ZNF804A: variants seen among roughly 807,000 people sequenced by gnomAD.
The protein encoded by ZNF804A is zinc finger protein 804A.
A neutral mutation model predicts 16.5 loss-of-function variants in ZNF804A; 2 were observed. The observed-to-expected ratio is 0.12, with a 90% CI of 0.05 to 0.38. The LOEUF is 0.38. ZNF804A is among the 10% of genes least tolerant of loss of function. The pLI is 0.99. For synonymous variants in ZNF804A, 534 were observed against 489.6 expected, an observed-to-expected ratio of 1.09 and a Z score of -1.20; for missense variants, 1,473 against 1,390.7, an observed-to-expected ratio of 1.06 and a Z score of -0.94.
intron 1 of ZNF804A, among the ~76,000 whole-genome samples, chr2:184,614,871 A>G (rs1261400379): frequency 6.6e-6 from 1 of 152,196 alleles, no homozygotes; most frequent in Non-Finnish European, 1.5e-5. Context: ...GCAATCATTA[A>G]AAAGTCAGGA....
intron 1 of ZNF804A, among the ~76,000 whole-genome samples, chr2:184,737,741 C>T (rs114973653): frequency 6.6e-5 from 10 of 152,064 alleles, no homozygotes; most frequent in Non-Finnish European, 1.5e-4. Flanking sequence ...TATGAATAAA[C>T]TCTTCGACTT....
chr2:184,794,030 A>C (rs937329511), intron 1 of ZNF804A, among the ~76,000 whole-genome samples: 53 of 152,220 alleles, frequency 3.5e-4, no homozygotes, highest in African/African-American at 1.3e-3. Context: ...TGCTATAAAC[A>C]TGTGTGTGCA....
At chr2:184,919,269 C>G (rs889410958) in intron 2 of ZNF804A, among the ~76,000 whole-genome samples, 18 of 152,166 alleles carry the variant, frequency 1.2e-4, no homozygotes, top group African/African-American at 3.9e-4. Context: ...ATGTACTCAA[C>G]CTGCCACCAG....
intron 2 of ZNF804A, among the ~76,000 whole-genome samples, chr2:184,920,589 A>T (rs1685515294): frequency 6.6e-6 from 1 of 152,176 alleles, no homozygotes; most frequent in African/African-American, 2.4e-5. Flanking sequence ...AACTGACAAA[A>T]CACGAAAAAT....
intron 1 of ZNF804A, among the ~76,000 whole-genome samples, chr2:184,766,386 A>T (rs1694127308): frequency 2.0e-5 from 3 of 152,122 alleles, no homozygotes; most frequent in Admixed American, 2.0e-4. Flanking sequence ...CTAAGCACAG[A>T]TAAACAATCA....
At chr2:184,742,312 G>GA (rs1442575279) in intron 1 of ZNF804A, among the ~76,000 whole-genome samples, 3 of 151,548 alleles carry the variant, frequency 2.0e-5, no homozygotes, top group African/African-American at 7.3e-5. Flanking sequence ...CCATAATTTT[G>GA]AAAAAAATTA....
chr2:184,815,976 A>G (rs1164358561), intron 1 of ZNF804A, among the ~76,000 whole-genome samples: 1 of 152,028 alleles, frequency 6.6e-6, no homozygotes, highest in African/African-American at 2.4e-5. Flanking sequence ...TTAAATCTCT[A>G]AAATGTCATT....
chr2:184,836,977 A>G (rs139352388), intron 1 of ZNF804A, among the ~76,000 whole-genome samples: 1 of 151,996 alleles, frequency 6.6e-6, no homozygotes, highest in African/African-American at 2.4e-5. Context: ...GACTATGTAC[A>G]TGGTGTGTCT....
At position 184,937,745 on chromosome 2, in the gene ZNF804A, A is replaced by C. The variant is rs140191136; in HGVS notation, c.2349A>C (p.Glu783Asp). The change falls in exon 4 of 4, where the codon GAA becomes GAC. Residue 783 changes from glutamate (E) to aspartate (D), a missense_variant. Transcript: ENST00000302277. ...RQHSHSYSSD[E>D]SLNRQNHLPE... ...ATTCACATTCTTATTCTTCAGATGAAAGTTTAAATCGACAGAATCATTTAC... is the reference window on the plus strand; with the variant it reads ...ATTCACATTCTTATTCTTCAGATGACAGTTTAAATCGACAGAATCATTTAC... 90 of 1,613,926 alleles carry C rather than the reference A, an allele frequency of 5.6e-5. No individual in the cohort carries two copies. Among genetic ancestry groups the C allele is most frequent in the Middle Eastern group, 1.6e-4 (1 of 6,082 alleles).
At position 184,938,430 on chromosome 2, in the gene ZNF804A, G is replaced by C. The variant is rs1487864350; in HGVS notation, c.3034G>C (p.Val1012Leu). ...ACCATTACCATTCAAAGAAGCACAT[G>C]TCAGTGGTCATACTTTTGTAACAGC... ...QPPLPFKEAH[V>L]SGHTFVTAEQ... is the part of the protein sequence containing the mutation. Residue 1012 changes from valine (V) to leucine (L), a missense_variant, in exon 4 of 4, where the codon GTC becomes CTC. Transcript: ENST00000302277. 5.0e-6 allele frequency: 8 copies of C among 1,614,078 alleles called. No individual in the cohort carries two copies. The South Asian group carries it at 8.8e-5, about 18-fold the overall frequency.
intron 1 of ZNF804A, among the ~76,000 whole-genome samples, 158 bp from the exon 2 acceptor site, chr2:184,866,211 T>C (rs1333937980): frequency 3.9e-5 from 6 of 152,224 alleles, no homozygotes; most frequent in Admixed American, 2.0e-4. Context: ...TTTTAAGTTA[T>C]AATTTATTCT....
At chr2:184,736,650 C>T (rs1412623486) in intron 1 of ZNF804A, among the ~76,000 whole-genome samples, 9 of 151,838 alleles carry the variant, frequency 5.9e-5, no homozygotes, top group Non-Finnish European at 8.8e-5. Flanking sequence ...CCACGGCACA[C>T]GTATACCTAT....
intron 2 of ZNF804A, among the ~76,000 whole-genome samples, chr2:184,879,527 G>A (rs1684773069): frequency 6.6e-6 from 1 of 151,936 alleles, no homozygotes. Context: ...TGTGTTTACA[G>A]AAAAAGTCTT....
chr2:184,652,354 G>C (rs1046819216), intron 1 of ZNF804A, among the ~76,000 whole-genome samples: 1 of 152,038 alleles, frequency 6.6e-6, no homozygotes, highest in African/African-American at 2.4e-5. Flanking sequence ...GTACCTGCAT[G>C]GTGGTATCAT....
chr2:184,916,514 A>C (rs1277998761), intron 2 of ZNF804A, among the ~76,000 whole-genome samples: 1 of 152,196 alleles, frequency 6.6e-6, no homozygotes, highest in Non-Finnish European at 1.5e-5. Context: ...ATCTATGATA[A>C]GATTACATTC....
chr2:184,920,890 A>T (rs936059139), intron 2 of ZNF804A, among the ~76,000 whole-genome samples: 1 of 152,194 alleles, frequency 6.6e-6, no homozygotes, highest in Non-Finnish European at 1.5e-5. Flanking sequence ...TCCCGATGAA[A>T]ATACACCTTA....
At chr2:184,882,458 C>A (rs372429320) in intron 2 of ZNF804A, among the ~76,000 whole-genome samples, 2 of 151,884 alleles carry the variant, frequency 1.3e-5, no homozygotes, top group East Asian at 3.9e-4. Flanking sequence ...CCAAATGGAC[C>A]CAACAGATAT....
intron 1 of ZNF804A, among the ~76,000 whole-genome samples, chr2:184,821,311 G>A (rs1695077806): frequency 6.6e-6 from 1 of 152,036 alleles, no homozygotes; most frequent in Admixed American, 6.6e-5. Context: ...CAAGCAATGG[G>A]GAAATGATTT....
intron 1 of ZNF804A, among the ~76,000 whole-genome samples, chr2:184,657,429 A>C (rs6738793): frequency 0.12 from 19,001 of 152,090 alleles, 1,275 homozygotes; most frequent in Middle Eastern, 0.23. Flanking sequence ...TTTAATTGTC[A>C]ATGTTTCAGG....
Sources: allele counts gnomAD v4.1 joint callset (sites outside exome capture counted in the v4.1 genomes callset), GRCh38; gene constraint gnomAD v4.1.1; transcripts MANE v1.5; gene names NCBI Gene and HGNC (gene_info 2026-07-23, HGNC 2026-07-21).